The following TLN2 variants were observed in gnomAD, a reference collection of about 807,000 sequenced individuals.
The protein encoded by TLN2 is talin-2.
In TLN2, 118 loss-of-function variants were observed where a neutral mutation model predicts 294.7. The observed-to-expected ratio is 0.40, with a 90% confidence interval of 0.34 to 0.47. The LOEUF is 0.47. Among genes scored for constraint, TLN2 ranks in the 20% least tolerant of loss-of-function variants. TLN2 has a pLI of 0.84. For synonymous variants in TLN2, 1,431 were observed against 1,304.5 expected, an observed-to-expected ratio of 1.10 and a Z score of -2.09; for missense variants, 3,083 against 3,282.2, an observed-to-expected ratio of 0.94 and a Z score of 1.48.
Position 62,739,726 on chromosome 15 carries a change from A to G in TLN2, c.3885+181A>G, listed in dbSNP as rs531859525. Among the ~76,000 whole-genome samples the G allele has an allele frequency of 7.9e-5, 12 of 152,358 alleles. No homozygotes were observed. In the South Asian group the frequency reaches 1.4e-3, roughly 18 times the overall value. Reference sequence around the variant, plus strand: ...TGGGAATGGCATTCCCAAAGATGCTATCAGCTTATGCATGAGGTGCTGTTA... The same window carrying G: ...TGGGAATGGCATTCCCAAAGATGCTGTCAGCTTATGCATGAGGTGCTGTTA... On this transcript the variant is annotated intron_variant, in intron 31 of 58. Coordinates refer to ENST00000636159, the MANE Select transcript of TLN2 (RefSeq NM_015059.3).
chr15:62,425,218 G>T (rs778157263), intron 1 of TLN2, among the ~76,000 whole-genome samples: 2 of 152,184 alleles, frequency 1.3e-5, no homozygotes, highest in Admixed American at 6.5e-5. Context: ...CTCCTGAAGT[G>T]CTGGGATTAC....
rs2043915555 is a variant in TLN2 at position 62,572,064 on chromosome 15, A to G, written c.-237-17623A>G. On this transcript the variant is annotated intron_variant, in intron 1 of 58. Transcript: ENST00000636159. The stretch of plus-strand genomic sequence containing the variant: ...GCTGGGCACCTGGCAGGAACATCGT[A>G]GATACCTGCTTTTCCTCTAATTCCC... Among the ~76,000 whole-genome samples, 6 of 152,140 alleles carry G rather than the reference A, an allele frequency of 3.9e-5. No individual in the cohort carries two copies. The South Asian group carries it at 1.2e-3, about 32-fold the overall frequency.
chr15:62,647,166 T>A (rs1340278619), intron 3 of TLN2, 109 bp from the exon 4 acceptor site: 3 of 1,071,678 alleles, frequency 2.8e-6, no homozygotes, highest in Non-Finnish European at 3.9e-6. Flanking sequence ...TGTTTTATTC[T>A]CTTTCCATGT....
intron 48 of TLN2, among the ~76,000 whole-genome samples, chr15:62,798,781 T>G (rs2065711194): frequency 6.6e-6 from 1 of 152,190 alleles, no homozygotes; most frequent in Non-Finnish European, 1.5e-5. Flanking sequence ...ACAGCACCCA[T>G]GAGTGGAGCA....
At chr15:62,459,062 G>A (rs1253856448) in intron 1 of TLN2, among the ~76,000 whole-genome samples, 5 of 151,712 alleles carry the variant, frequency 3.3e-5, no homozygotes, top group Non-Finnish European at 7.4e-5. Flanking sequence ...GTATAGTGGC[G>A]CAATCTTGGC....
At chr15:62,501,874 AG>A (rs2039327080) in intron 1 of TLN2, among the ~76,000 whole-genome samples, 1 of 152,210 alleles carries the variant, frequency 6.6e-6, no homozygotes, top group South Asian at 2.1e-4. Flanking sequence ...ATTATTTCCA[AG>A]GTAGGGAACT....
intron 3 of TLN2, among the ~76,000 whole-genome samples, chr15:62,623,396 A>G (rs1023710737): frequency 6.6e-6 from 1 of 152,224 alleles, no homozygotes; most frequent in African/African-American, 2.4e-5. Context: ...TATCTTTTAC[A>G]TAGCTGATCC....
At chr15:62,693,218 G>C (rs2058063920) in intron 13 of TLN2, among the ~76,000 whole-genome samples, 1 of 152,164 alleles carries the variant, frequency 6.6e-6, no homozygotes, top group Admixed American at 6.5e-5. Context: ...TGTAGTCCCA[G>C]TTACTCGGGA....
chr15:62,493,334 C>T (rs2140413265), intron 1 of TLN2, among the ~76,000 whole-genome samples: 1 of 152,274 alleles, frequency 6.6e-6, no homozygotes, highest in East Asian at 1.9e-4. Flanking sequence ...AGCTTCTGGG[C>T]CTCAGTTTCC....
chr15:62,541,454 T>A (rs1000973097), intron 1 of TLN2, among the ~76,000 whole-genome samples: 1 of 152,206 alleles, frequency 6.6e-6, no homozygotes, highest in Non-Finnish European at 1.5e-5. Context: ...TTTTCTGGTT[T>A]TGACCCTGGA....
At chr15:62,412,610 T>C (rs2033837899) in intron 1 of TLN2, among the ~76,000 whole-genome samples, 1 of 152,200 alleles carries the variant, frequency 6.6e-6, no homozygotes, top group Admixed American at 6.5e-5. Context: ...CATTCAAATG[T>C]AAGAGTCAGC....
At chr15:62,646,512 C>T (rs1321302868) in intron 3 of TLN2, among the ~76,000 whole-genome samples, 1 of 152,194 alleles carries the variant, frequency 6.6e-6, no homozygotes, top group African/African-American at 2.4e-5. Context: ...AAAATATCTC[C>T]ATAGTTTGTC....
chr15:62,742,503 A>T (rs1246000559), intron 32 of TLN2, among the ~76,000 whole-genome samples: 1 of 152,176 alleles, frequency 6.6e-6, no homozygotes, highest in African/African-American at 2.4e-5. Context: ...GGGAATGTAT[A>T]AATTGCCCTT....
chr15:62,728,623 T>G (rs1297329686), intron 28 of TLN2, among the ~76,000 whole-genome samples: 1 of 152,230 alleles, frequency 6.6e-6, no homozygotes, highest in East Asian at 1.9e-4. Flanking sequence ...AGTATCACAT[T>G]ATGATTTTAA....
At chr15:62,662,840 T>TTTG (rs58827915) in intron 9 of TLN2, among the ~76,000 whole-genome samples, 1 of 148,942 alleles carries the variant, frequency 6.7e-6, no homozygotes, top group Middle Eastern at 3.2e-3. Flanking sequence ...TTTTTTTTTT[T>TTTG]GGAGACAGAG....
At chr15:62,728,538 C>G (rs2060556456) in intron 28 of TLN2, among the ~76,000 whole-genome samples, 1 of 152,288 alleles carries the variant, frequency 6.6e-6, no homozygotes, top group Non-Finnish European at 1.5e-5. Flanking sequence ...TATGGAAGCT[C>G]CAGTTGTTCT....
chr15:62,673,660 G>C (rs1487970371), intron 9 of TLN2, among the ~76,000 whole-genome samples, 167 bp from the exon 10 acceptor site: 1 of 147,990 alleles, frequency 6.8e-6, no homozygotes, highest in Non-Finnish European at 1.5e-5. Context: ...TTTTATGTCC[G>C]TGCCCTTATT....
At chr15:62,508,447 C>G (rs2039751398) in intron 1 of TLN2, among the ~76,000 whole-genome samples, 1 of 152,142 alleles carries the variant, frequency 6.6e-6, no homozygotes, top group African/African-American at 2.4e-5. Flanking sequence ...GAACTCCTGA[C>G]CTTGTGATCC....
chr15:62,759,804 C>T (rs557890175), intron 37 of TLN2, among the ~76,000 whole-genome samples: 6 of 152,360 alleles, frequency 3.9e-5, no homozygotes, highest in African/African-American at 9.6e-5. Flanking sequence ...CCAAAGTCCA[C>T]TCTTGCAATC....
Sources: gnomAD v4.1 joint callset for allele counts (sites outside exome capture counted in the v4.1 genomes callset) on GRCh38, gnomAD v4.1.1 for gene constraint, MANE v1.5 for transcripts, NCBI Gene and HGNC (gene_info 2026-07-23, HGNC 2026-07-21) for gene names.